The following TANGO6 variants were observed in gnomAD, a reference collection of about 807,000 sequenced individuals.
The protein encoded by TANGO6 is transport and golgi organization 6 homolog.
In TANGO6, 90 loss-of-function variants were observed where a neutral mutation model predicts 114.2. That is an observed-to-expected ratio of 0.79 (90% CI 0.66 to 0.94). The LOEUF (loss-of-function observed/expected upper bound fraction) is 0.94, where lower values mean the gene tolerates loss of function less well. Ranked by LOEUF, TANGO6 falls within the 40% of genes least tolerant of loss-of-function variation. TANGO6 has a pLI of 0.00. For missense variants in TANGO6, 1,274 were observed against 1,315.3 expected (o/e 0.97, Z 0.49); for synonymous variants, 477 against 509.8 (o/e 0.94, Z 0.87).
intron 11 of TANGO6, among the ~76,000 whole-genome samples, chr16:68,915,879 G>T (rs984513139): frequency 6.6e-5 from 10 of 152,156 alleles, no homozygotes; most frequent in Middle Eastern, 3.2e-3. Flanking sequence ...ATGCAAGCTT[G>T]CATGTTATTT....
intron 14 of TANGO6, among the ~76,000 whole-genome samples, chr16:68,931,305 G>A (rs1434768189): frequency 6.6e-6 from 1 of 152,198 alleles, no homozygotes; most frequent in African/African-American, 2.4e-5. Context: ...GACTAAATAG[G>A]AATGTGAAAT....
intron 11 of TANGO6, among the ~76,000 whole-genome samples, chr16:68,917,726 C>T (rs1171501220): frequency 6.6e-6 from 1 of 151,910 alleles, no homozygotes; most frequent in Non-Finnish European, 1.5e-5. Flanking sequence ...GGTGAGATGT[C>T]GGTTCAGGAC....
intron 7 of TANGO6, among the ~76,000 whole-genome samples, chr16:68,893,841 C>T (rs1444566454): frequency 6.6e-6 from 1 of 151,336 alleles, no homozygotes; most frequent in Non-Finnish European, 1.5e-5. Flanking sequence ...TCCCACTTTG[C>T]CTCCACGTGA....
At chr16:68,853,631 T>A (rs1346347404) in intron 1 of TANGO6, among the ~76,000 whole-genome samples, 1 of 152,188 alleles carries the variant, frequency 6.6e-6, no homozygotes, top group Non-Finnish European at 1.5e-5. Flanking sequence ...AAATGTATAT[T>A]GTGTATTAAT....
At chr16:69,011,664 C>T (rs1318746914) in intron 15 of TANGO6, among the ~76,000 whole-genome samples, 2 of 152,050 alleles carry the variant, frequency 1.3e-5, no homozygotes, top group African/African-American at 2.4e-5. Flanking sequence ...CGCCATATTG[C>T]CCAAGCTGGT....
chr16:69,009,136 C>CAGT (rs1262839112), intron 15 of TANGO6, among the ~76,000 whole-genome samples: 6 of 126,200 alleles, frequency 4.8e-5, no homozygotes, highest in Non-Finnish European at 3.1e-5. Flanking sequence ...GGCTGGAGTG[C>CAGT]AGTGGCGTGA....
intron 17 of TANGO6, among the ~76,000 whole-genome samples, chr16:69,059,035 G>A (rs1960076481): frequency 6.7e-6 from 1 of 149,504 alleles, no homozygotes; most frequent in Non-Finnish European, 1.5e-5. Context: ...AGCCTCCTAA[G>A]TAGCTGGGAT....
intron 15 of TANGO6, among the ~76,000 whole-genome samples, chr16:68,979,944 A>T (rs1275999204): frequency 6.6e-6 from 1 of 151,404 alleles, no homozygotes; most frequent in Non-Finnish European, 1.5e-5. Flanking sequence ...TGCCAGGTTC[A>T]AACAATTCTC....
intron 1 of TANGO6, among the ~76,000 whole-genome samples, chr16:68,850,010 G>T (rs768296658): frequency 1.6e-4 from 19 of 121,432 alleles, no homozygotes; most frequent in Non-Finnish European, 2.9e-4. Flanking sequence ...ATCTTGCTCT[G>T]TTGTCCAGGC....
At chr16:68,882,746 C>T (rs991690182) in intron 7 of TANGO6, among the ~76,000 whole-genome samples, 2 of 151,874 alleles carry the variant, frequency 1.3e-5, no homozygotes, top group East Asian at 1.9e-4. Context: ...ATACTTGGCA[C>T]GATGGCTCAT....
rs554176773 is a variant in TANGO6, at chr16:68,851,730, T to G, written c.94+8019T>G. Among the ~76,000 whole-genome samples, 797 of 152,346 alleles carry G rather than the reference T, an allele frequency of 5.2e-3. 8 individuals are homozygous for G. Among genetic ancestry groups the G allele is most frequent in the Non-Finnish European group, 5.9e-3 (403 of 68,034 alleles). On this transcript the variant is annotated intron_variant, in intron 1 of 17. Transcript: ENST00000261778. ...AAGGGAAATGCCTATGTAATTTTGC[T>G]AGATATTGCCAAATTTCTGTCCTTG...
chr16:68,963,696 A>G (rs376848108), intron 14 of TANGO6, among the ~76,000 whole-genome samples: 1 of 152,206 alleles, frequency 6.6e-6, no homozygotes, highest in East Asian at 1.9e-4. Context: ...ATCATTGGGC[A>G]CTGTTTACTG....
rs1304375787 is a variant in TANGO6, at chr16:68,978,050, G to A, written c.2842+3882G>A. ...AGATGAACTTTCTATATTTGCCTTAGTTCTGAATTTGGATCTAAAACATGC... is the reference window on the plus strand; with the variant it reads ...AGATGAACTTTCTATATTTGCCTTAATTCTGAATTTGGATCTAAAACATGC... On this transcript the variant is annotated intron_variant, in intron 15 of 17. Transcript: ENST00000261778. Among the ~76,000 whole-genome samples the A allele has an allele frequency of 3.3e-5, 5 of 152,178 alleles. No homozygotes were observed. The East Asian group carries it at 9.7e-4, about 29-fold the overall frequency.
chr16:68,870,537 T>C (rs1261424992), intron 4 of TANGO6, among the ~76,000 whole-genome samples: 1 of 152,194 alleles, frequency 6.6e-6, no homozygotes, highest in Non-Finnish European at 1.5e-5. Context: ...CTTAAGGGCA[T>C]GCAGATTTGA....
At chr16:69,031,912 C>T (rs150332395) in intron 16 of TANGO6, among the ~76,000 whole-genome samples, 32 of 152,078 alleles carry the variant, frequency 2.1e-4, no homozygotes, top group African/African-American at 7.7e-4. Flanking sequence ...ACCTGCCCGC[C>T]TCAGCCTGCC....
intron 2 of TANGO6, among the ~76,000 whole-genome samples, chr16:68,861,336 G>A (rs1303998027): frequency 1.3e-5 from 2 of 152,110 alleles, no homozygotes; most frequent in African/African-American, 2.4e-5. Flanking sequence ...CAATGTTCTC[G>A]TTTCTCTGTC....
chr16:69,019,590 G>A (rs138915990), intron 15 of TANGO6, among the ~76,000 whole-genome samples: 54 of 152,326 alleles, frequency 3.5e-4, no homozygotes, highest in African/African-American at 1.2e-3. Flanking sequence ...ATGCTTTCGA[G>A]CAACCTCTGC....
At chr16:68,881,811 C>A (rs1366280239) in intron 7 of TANGO6, among the ~76,000 whole-genome samples, 3 of 151,950 alleles carry the variant, frequency 2.0e-5, no homozygotes, top group Non-Finnish European at 4.4e-5. Context: ...AAATGAAATT[C>A]ATTGTGTTAT....
intron 14 of TANGO6, among the ~76,000 whole-genome samples, chr16:68,972,118 T>C (rs1963711977): frequency 6.6e-6 from 1 of 151,836 alleles, no homozygotes; most frequent in East Asian, 1.9e-4. Context: ...TTAGAGCCCA[T>C]CTTAGGACTG....
Sources: gnomAD v4.1 joint callset for allele counts (sites outside exome capture counted in the v4.1 genomes callset) on GRCh38, gnomAD v4.1.1 for gene constraint, MANE v1.5 for transcripts, NCBI Gene and HGNC (gene_info 2026-07-23, HGNC 2026-07-21) for gene names.